The following L3MBTL4 variants were observed in gnomAD, a reference collection of about 807,000 sequenced individuals.
The protein encoded by L3MBTL4 is L3MBTL histone methyl-lysine binding protein 4, also known as lethal(3)malignant brain tumor-like protein 4.
A neutral mutation model predicts 84.5 loss-of-function variants in L3MBTL4; 70 were observed. That is an observed-to-expected ratio of 0.83 (90% CI 0.68 to 1.01). The LOEUF (loss-of-function observed/expected upper bound fraction) is 1.01. Ranked by LOEUF, L3MBTL4 falls within the 50% of genes least tolerant of loss-of-function variation. L3MBTL4 has a pLI of 0.00. For missense variants in L3MBTL4, 715 were observed against 754.8 expected (o/e 0.95, Z 0.62); for synonymous variants, 274 against 259.8 (o/e 1.05, Z -0.52).
intron 1 of L3MBTL4, among the ~76,000 whole-genome samples, chr18:6,402,898 G>C (rs879565914): frequency 3.3e-5 from 5 of 152,102 alleles, no homozygotes; most frequent in Non-Finnish European, 7.4e-5. Context: ...CAAACCCTCT[G>C]TCTTTCATCA....
intron 16 of L3MBTL4, among the ~76,000 whole-genome samples, chr18:5,981,974 C>CTGTGTGTGTGTGTGTGTGTGTGTG (rs374606293): frequency 7.3e-6 from 1 of 137,328 alleles, no homozygotes; most frequent in African/African-American, 2.8e-5. Context: ...TTTCAATATT[C>CTGTGTGTGTGTGTGTGTGTGTGTG]TGTGTGTGTG....
chr18:5,997,810 C>T (rs371757013), intron 16 of L3MBTL4, among the ~76,000 whole-genome samples: 1 of 152,260 alleles, frequency 6.6e-6, no homozygotes, highest in African/African-American at 2.4e-5. Context: ...TTGGTTGAGA[C>T]CTGTCTCAGA....
At chr18:6,295,643 T>C (rs2050078172) in intron 4 of L3MBTL4, among the ~76,000 whole-genome samples, 1 of 152,110 alleles carries the variant, frequency 6.6e-6, no homozygotes, top group Non-Finnish European at 1.5e-5. Context: ...TAGAAAGTAG[T>C]GTTTTCATTA....
At chr18:5,978,207 G>C (rs908740155) in intron 16 of L3MBTL4, among the ~76,000 whole-genome samples, 7 of 152,124 alleles carry the variant, frequency 4.6e-5, no homozygotes. Flanking sequence ...GAAAAGGCTG[G>C]GAGTTGTTTG....
intron 3 of L3MBTL4, among the ~76,000 whole-genome samples, chr18:6,307,558 T>C (rs2050647507): frequency 6.6e-6 from 1 of 152,184 alleles, no homozygotes; most frequent in African/African-American, 2.4e-5. Flanking sequence ...TCTTCATCCT[T>C]CAAGGTCAGA....
intron 16 of L3MBTL4, among the ~76,000 whole-genome samples, chr18:6,063,244 G>A (rs1303401204): frequency 6.6e-6 from 1 of 151,404 alleles, no homozygotes; most frequent in African/African-American, 2.4e-5. Flanking sequence ...ATTGGTCAAT[G>A]GCACTTAGGT....
chr18:5,980,048 C>A (rs1403588108), intron 16 of L3MBTL4, among the ~76,000 whole-genome samples: 1 of 152,208 alleles, frequency 6.6e-6, no homozygotes, highest in African/African-American at 2.4e-5. Context: ...GCACAGAAAG[C>A]TGCCTTGTCC....
chr18:6,286,423 C>T (rs2049592627), intron 4 of L3MBTL4, among the ~76,000 whole-genome samples: 1 of 151,642 alleles, frequency 6.6e-6, no homozygotes, highest in Admixed American at 6.6e-5. Context: ...GAGATCACGC[C>T]ACTGCACTCG....
In L3MBTL4 at chr18:6,311,548, T is replaced by A. The variant is rs370461352; in HGVS notation, c.72+6A>T. The A allele has an allele frequency of 1.2e-6, 2 of 1,611,046 alleles. No homozygotes were observed. The highest frequency in any genetic ancestry group is 1.3e-5 in the African/African-American group (1 of 74,802). On this transcript the variant is annotated splice_donor_region_variant and intron_variant, in intron 3 of 18. Coordinates refer to ENST00000317931, the MANE Select transcript of L3MBTL4 (RefSeq NM_001330559.2). ...GTGAGGAAGGGTCCAGGGATGGACA[T>A]CTTACCAAGCGTCCGTCCTGATCCA...
intron 12 of L3MBTL4, among the ~76,000 whole-genome samples, chr18:6,195,196 C>T (rs376167668): frequency 6.6e-6 from 1 of 152,194 alleles, no homozygotes; most frequent in East Asian, 1.9e-4. Context: ...CAACACAGTT[C>T]AAGAGACCAT....
Position 6,345,231 on chromosome 18 carries a change from AAAAAAG to A in L3MBTL4, c.-90-33181_-90-33176del, listed in dbSNP as rs2052824855. ...ACTAAAATACAAAAAAAAAAAAAAA[AAAAAAG>A]AAAAAAAAAAAGAGCCGGGCATGGC... On this transcript the variant is annotated intron_variant, in intron 1 of 18. Coordinates refer to ENST00000317931, the MANE Select transcript of L3MBTL4 (RefSeq NM_001330559.2). Among the ~76,000 whole-genome samples the A allele has an allele frequency of 3.0e-4, 41 of 138,842 alleles. 1 individual carries two copies. The highest frequency in any genetic ancestry group is 1.8e-3 in the South Asian group (8 of 4,538). 91.1% of individuals were successfully genotyped at this position (138,842 alleles called of 152,430 possible). A position where few individuals can be genotyped will look rare whatever the true frequency, so the allele number is the denominator to read the frequency against.
At chr18:6,053,968 A>AT (rs1176276304) in intron 16 of L3MBTL4, among the ~76,000 whole-genome samples, 3 of 152,260 alleles carry the variant, frequency 2.0e-5, no homozygotes, top group Admixed American at 1.3e-4. Flanking sequence ...TATAAAAGAC[A>AT]TTTTTTGCCT....
Position 5,995,097 on chromosome 18 carries a change from G to A in L3MBTL4, c.1445-25535C>T, listed in dbSNP as rs60733944. 7.2e-3 allele frequency among the ~76,000 whole-genome samples: 1,095 copies of A among 152,364 alleles called. 11 individuals are homozygous for A. The highest frequency in any genetic ancestry group is 0.025 in the African/African-American group (1,038 of 41,576). On this transcript the variant is annotated intron_variant, in intron 16 of 18. Transcript: ENST00000317931. ...GTTGGAAAACAGACACACTCATAGC[G>A]CCAGCTAGAGAAACATGTGCGTCCA...
chr18:6,303,352 C>T lies in L3MBTL4; in HGVS notation c.73-1395G>A, dbSNP rs560881543. On this transcript the variant is annotated intron_variant, in intron 3 of 18. Transcript: ENST00000317931. The stretch of plus-strand genomic sequence containing the variant: ...GCCAGGCTGGTCTCAAACTCCTGAC[C>T]TCAAGTGATCTGCCCACCTCGGCCT... 3.3e-5 allele frequency among the ~76,000 whole-genome samples: 5 copies of T among 152,198 alleles called. No homozygotes were observed. The East Asian group carries it at 9.7e-4, about 30-fold the overall frequency.
intron 12 of L3MBTL4, among the ~76,000 whole-genome samples, chr18:6,194,312 A>G (rs2145564100): frequency 6.6e-6 from 1 of 152,302 alleles, no homozygotes; most frequent in Non-Finnish European, 1.5e-5. Context: ...ACTCTCCCAC[A>G]GGGCGTGGCG....
At chr18:6,050,262 TC>T (rs1470715584) in intron 16 of L3MBTL4, among the ~76,000 whole-genome samples, 1 of 152,174 alleles carries the variant, frequency 6.6e-6, no homozygotes, top group Non-Finnish European at 1.5e-5. Context: ...TAATCTGACT[TC>T]TCACCAAATC....
chr18:6,031,457 C>G (rs2055797029), intron 16 of L3MBTL4: 2 of 985,438 alleles, frequency 2.0e-6, no homozygotes, highest in South Asian at 9.4e-5. Context: ...TTCTTTGCCT[C>G]TTGAGAAATT....
At chr18:6,102,523 T>G (rs1472923662) in intron 14 of L3MBTL4, among the ~76,000 whole-genome samples, 1 of 152,236 alleles carries the variant, frequency 6.6e-6, no homozygotes, top group Non-Finnish European at 1.5e-5. Flanking sequence ...GTATCCATTT[T>G]CTAGAAGAAA....
rs147123569 is a variant in L3MBTL4 at position 6,229,012 on chromosome 18, G to A, written c.784+8952C>T. 4.6e-5 allele frequency among the ~76,000 whole-genome samples: 7 copies of A among 152,048 alleles called. No individual in the cohort carries two copies. The East Asian group carries it at 1.4e-3, about 29-fold the overall frequency. The stretch of plus-strand genomic sequence containing the variant: ...TATTAACTCCAGGGAAAATAAAAGT[G>A]GTAGAAGAAAGAAAATGGAATCACA... On this transcript the variant is annotated intron_variant, in intron 10 of 18. Transcript: ENST00000317931.
Sources: gnomAD v4.1 joint callset for allele counts (sites outside exome capture counted in the v4.1 genomes callset) on GRCh38, gnomAD v4.1.1 for gene constraint, MANE v1.5 for transcripts, NCBI Gene and HGNC (gene_info 2026-07-23, HGNC 2026-07-21) for gene names.